Variants in FAM180A observed in about 807,000 individuals in gnomAD.
FAM180A encodes protein FAM180A.
In FAM180A, 14 loss-of-function variants were observed where a neutral mutation model predicts 15.3. The ratio of observed to expected loss-of-function variants is 0.92; its 90% CI spans 0.61 to 1.43. The LOEUF (loss-of-function observed/expected upper bound fraction) is 1.43. FAM180A is among the 40% of genes most tolerant of loss of function. The probability of loss-of-function intolerance (pLI) is 0.00; values close to 1 mark genes in which losing one functional copy is unlikely to be tolerated. For synonymous variants in FAM180A, 90 were observed against 96.8 expected (o/e 0.93, Z 0.41); for missense variants, 200 against 220.8 (o/e 0.91, Z 0.60).
chr7:135,742,032 G>T (rs976953684), intron 1 of FAM180A, among the ~76,000 whole-genome samples: 1 of 152,138 alleles, frequency 6.6e-6, no homozygotes, highest in African/African-American at 2.4e-5. Context: ...TGGTCCACCA[G>T]GCCCAGCAGT....
chr7:135,739,328 A>AAAT (rs1584752183), intron 1 of FAM180A, among the ~76,000 whole-genome samples: 1 of 146,956 alleles, frequency 6.8e-6, no homozygotes, highest in East Asian at 2.0e-4. Flanking sequence ...AAAAAAAAAA[A>AAAT]TGCTGGGCGC....
chr7:135,741,110 C>T (rs62489536), intron 1 of FAM180A, among the ~76,000 whole-genome samples: 5,435 of 152,276 alleles, frequency 0.036, 110 homozygotes, highest in Middle Eastern at 0.078. Context: ...GGACTTTCTT[C>T]GCTCAGTTGT....
rs1056426632 is a variant in FAM180A, at chr7:135,730,964, T to C, written c.*330-683A>G. On this transcript the variant is annotated intron_variant, in intron 3 of 3. Coordinates refer to ENST00000338588, the MANE Select transcript of FAM180A (RefSeq NM_205855.4). ...AAAGGTCATGTCCTTCTTTTTTCTATTTTTTTTTCAGTCATTGATTGCCAC... is the reference window on the plus strand; with the variant it reads ...AAAGGTCATGTCCTTCTTTTTTCTACTTTTTTTTCAGTCATTGATTGCCAC... 5.9e-4 allele frequency among the ~76,000 whole-genome samples: 9 copies of C among 15,332 alleles called. 1 individual carries two copies. The highest frequency in any genetic ancestry group is 7.1e-4 in the Non-Finnish European group (6 of 8,396). The allele number at this position is 15,332 out of a possible 152,430, so 10.1% of individuals were successfully genotyped here.
Position 135,733,775 on chromosome 7 carries a change from G to A in FAM180A, c.*200C>T. ...CATTCCAGCCCTTTCTTCCAGCCCAGGTCACATGATGGCATGAATCAGATG... is the reference window on the plus strand; with the variant it reads ...CATTCCAGCCCTTTCTTCCAGCCCAAGTCACATGATGGCATGAATCAGATG... On this transcript the variant is annotated 3_prime_UTR_variant, in exon 3 of 4. Coordinates refer to ENST00000338588, the MANE Select transcript of FAM180A (RefSeq NM_205855.4). 1 of 1,382,468 alleles carries A rather than the reference G, an allele frequency of 7.2e-7. No homozygotes were observed. The highest frequency in any genetic ancestry group is 9.3e-7 in the Non-Finnish European group (1 of 1,073,684). 85.6% of individuals were successfully genotyped at this position (1,382,468 alleles called of 1,614,324 possible).
At chr7:135,741,239 T>C (rs780727201) in intron 1 of FAM180A, among the ~76,000 whole-genome samples, 28 of 152,244 alleles carry the variant, frequency 1.8e-4, no homozygotes, top group Non-Finnish European at 2.8e-4. Flanking sequence ...GGAAACTTTG[T>C]CATTTCCAAT....
intron 1 of FAM180A, among the ~76,000 whole-genome samples, chr7:135,739,959 C>T (rs1468455713): frequency 6.6e-6 from 1 of 152,190 alleles, no homozygotes; most frequent in South Asian, 2.1e-4. Context: ...ATGGTCGCCT[C>T]GGCCAGCAGA....
At chr7:135,742,166 C>T (rs934481083) in intron 1 of FAM180A, among the ~76,000 whole-genome samples, 7 of 152,182 alleles carry the variant, frequency 4.6e-5, no homozygotes, top group Admixed American at 1.3e-4. Context: ...CCAGATCTGA[C>T]TCCCTGTGTG....
chr7:135,730,261 G>A lies in FAM180A; in HGVS notation c.*350C>T. On this transcript the variant is annotated 3_prime_UTR_variant, in exon 4 of 4. Transcript: ENST00000338588. The stretch of plus-strand genomic sequence containing the variant: ...AACTTAGAAAGTTTTTAGATCCTGG[G>A]CCAGGCACGGTGGCTCACGCCTGTA... The A allele has an allele frequency of 1.0e-6, 1 of 985,408 alleles. No individual in the cohort carries two copies. The highest frequency in any genetic ancestry group is 1.2e-6 in the Non-Finnish European group (1 of 829,926). 61.0% of individuals were successfully genotyped at this position (985,408 alleles called of 1,614,324 possible). A position where few individuals can be genotyped will look rare whatever the true frequency, so the allele number is the denominator to read the frequency against.
intron 1 of FAM180A, among the ~76,000 whole-genome samples, chr7:135,737,582 A>G: frequency 1.1e-5 from 1 of 87,968 alleles, no homozygotes; most frequent in East Asian, 3.5e-4. Flanking sequence ...GCGAGACTCC[A>G]TGTCAAAAAA....
intron 1 of FAM180A, among the ~76,000 whole-genome samples, chr7:135,746,320 G>C (rs191098381): frequency 1.3e-5 from 2 of 152,254 alleles, no homozygotes; most frequent in East Asian, 3.9e-4. Context: ...GTAGGCAATA[G>C]CTAATATTTA....
At chr7:135,747,418 G>A (rs1797046145) in intron 1 of FAM180A, among the ~76,000 whole-genome samples, 2 of 152,124 alleles carry the variant, frequency 1.3e-5, no homozygotes, top group South Asian at 4.2e-4. Context: ...TCACAGCTCA[G>A]CTCAAAAGAC....
At chr7:135,730,799 G>C (rs1487149718) in intron 3 of FAM180A, among the ~76,000 whole-genome samples, 2 of 152,150 alleles carry the variant, frequency 1.3e-5, no homozygotes, top group African/African-American at 4.8e-5. Flanking sequence ...TTGGCTGCTG[G>C]TGGTGATCAT....
At chr7:135,737,041 T>C (rs945542800) in intron 2 of FAM180A, 58 bp downstream of exon 2, 8 of 1,378,348 alleles carry the variant, frequency 5.8e-6, no homozygotes, top group Non-Finnish European at 6.1e-6. Flanking sequence ...CCAAAAAAGA[T>C]AGAGAAAGTG....
chr7:135,731,945 G>A (rs1403070586), intron 3 of FAM180A, among the ~76,000 whole-genome samples: 1 of 152,210 alleles, frequency 6.6e-6, no homozygotes, highest in Non-Finnish European at 1.5e-5. Context: ...GATCAGACTT[G>A]TTGCAGCTTT....
At chr7:135,733,480 A>T in intron 3 of FAM180A, 166 bp downstream of exon 3, 1 of 191,562 alleles carries the variant, frequency 5.2e-6, no homozygotes, top group Non-Finnish European at 9.6e-6. Flanking sequence ...CTGAGTAGCC[A>T]GGATTACAGG....
At chr7:135,739,931 G>T (rs1393601886) in intron 1 of FAM180A, among the ~76,000 whole-genome samples, 3 of 152,204 alleles carry the variant, frequency 2.0e-5, no homozygotes, top group Non-Finnish European at 4.4e-5. Context: ...AGCTGTTGAT[G>T]ACCAAATCCC....
At chr7:135,748,010 C>A (rs964301742) in intron 1 of FAM180A, among the ~76,000 whole-genome samples, 1 of 152,164 alleles carries the variant, frequency 6.6e-6, no homozygotes, top group Non-Finnish European at 1.5e-5. Context: ...GGTTGCTCTC[C>A]TCACCTGCCC....
chr7:135,739,870 T>TG (rs1214222035), intron 1 of FAM180A, among the ~76,000 whole-genome samples: 17 of 152,280 alleles, frequency 1.1e-4, no homozygotes, highest in Admixed American at 2.6e-4. Context: ...CAGTTTTATA[T>TG]TCTGTACCCG....
At chr7:135,740,294 T>C (rs62489534) in intron 1 of FAM180A, among the ~76,000 whole-genome samples, 5,118 of 152,294 alleles carry the variant, frequency 0.034, 102 homozygotes, top group Middle Eastern at 0.078. Flanking sequence ...ACATTACGAT[T>C]TTGTAAAGCT....
Sources: allele counts gnomAD v4.1 joint callset (sites outside exome capture counted in the v4.1 genomes callset), GRCh38; gene constraint gnomAD v4.1.1; transcripts MANE v1.5; gene names NCBI Gene and HGNC (gene_info 2026-07-23, HGNC 2026-07-21).